The following SRL variants were observed in gnomAD, a reference collection of about 807,000 sequenced individuals.
The protein encoded by SRL is sarcalumenin.
SRL carries 23 observed loss-of-function variants against 39.5 expected under a neutral mutation model. That is an observed-to-expected ratio of 0.58 (90% CI 0.42 to 0.82). The LOEUF (loss-of-function observed/expected upper bound fraction) is 0.82, where lower values mean the gene tolerates loss of function less well. Among genes scored for constraint, SRL ranks in the 40% least tolerant of loss-of-function variants. SRL has a pLI of 0.00. For synonymous variants in SRL, 272 were observed against 237.4 expected (o/e 1.15, Z -1.34); for missense variants, 592 against 607.8 (o/e 0.97, Z 0.27).
chr16:4,216,670 C>A (rs1320989238), intron 1 of SRL, among the ~76,000 whole-genome samples: 1 of 152,206 alleles, frequency 6.6e-6, no homozygotes, highest in Admixed American at 6.5e-5. Context: ...CTCTATAGAG[C>A]ACTCAGTTTT....
chr16:4,200,412 G>A lies in SRL; in HGVS notation c.260-2497C>T, dbSNP rs552550638. Among the ~76,000 whole-genome samples, 404 of 152,314 alleles carry A rather than the reference G, an allele frequency of 2.7e-3. 3 individuals are homozygous for A. The highest frequency in any genetic ancestry group is 3.9e-3 in the Admixed American group (60 of 15,302). On this transcript the variant is annotated intron_variant, in intron 3 of 5. Transcript: ENST00000399609. ...TGTGGTTTCGGCTCCTCACAGCAGG[G>A]GGCACCGCTGGCCTATACAGGAGGT...
At chr16:4,224,912 G>T (rs1002179030) in intron 1 of SRL, among the ~76,000 whole-genome samples, 3 of 152,162 alleles carry the variant, frequency 2.0e-5, no homozygotes, top group African/African-American at 4.8e-5. Context: ...TCCCAGCCAT[G>T]GAAAGGGGTG....
chr16:4,218,616 C>T (rs910824873), intron 1 of SRL, among the ~76,000 whole-genome samples: 3 of 152,194 alleles, frequency 2.0e-5, no homozygotes, highest in Non-Finnish European at 4.4e-5. Context: ...CACACAGGCC[C>T]GCTGGACCAC....
chr16:4,210,736 G>A (rs1289264804), intron 1 of SRL, among the ~76,000 whole-genome samples: 3 of 152,074 alleles, frequency 2.0e-5, no homozygotes, highest in Non-Finnish European at 4.4e-5. Flanking sequence ...ACCCACCTCA[G>A]CCTCTCAAAG....
intron 3 of SRL, among the ~76,000 whole-genome samples, chr16:4,201,248 G>T (rs1469162696): frequency 6.6e-6 from 1 of 151,664 alleles, no homozygotes; most frequent in Non-Finnish European, 1.5e-5. Flanking sequence ...CGAGTAGCTG[G>T]GACCACAGGC....
At position 4,198,078 on chromosome 16, in the gene SRL, G is replaced by C. The variant is rs183377262; in HGVS notation, c.260-163C>G. Among the ~76,000 whole-genome samples, 345 of 152,314 alleles carry C rather than the reference G, an allele frequency of 2.3e-3. 2 individuals are homozygous for C. The highest frequency in any genetic ancestry group is 8.0e-3 in the African/African-American group (332 of 41,570). ...CAGTGGCGCTTCTCTTGCTACGTAA[G>C]TGTGATCACCCAGTAAAAAGACACA... is the stretch of plus-strand genomic sequence containing the variant. On this transcript the variant is annotated intron_variant, in intron 3 of 5. Coordinates refer to ENST00000399609, the MANE Select transcript of SRL (RefSeq NM_001098814.2).
At chr16:4,197,402 G>A (rs992467082) in intron 4 of SRL, among the ~76,000 whole-genome samples, 1 of 138,880 alleles carries the variant, frequency 7.2e-6, no homozygotes, top group Admixed American at 7.4e-5. Context: ...ACACGTGCAT[G>A]TGGCATAACT....
rs1396790042 is a variant in SRL, at chr16:4,192,959, G to C, written c.616C>G (p.Pro206Ala). 2 of 1,607,066 alleles carry C rather than the reference G, an allele frequency of 1.2e-6. No individual in the cohort carries two copies. Among genetic ancestry groups the C allele is most frequent in the Admixed American group, 3.3e-5 (2 of 59,922 alleles). The change falls in exon 6 of 6, where the codon CCC (proline) becomes GCC (alanine). Residue 206 changes from proline to alanine, a missense_variant. Coordinates refer to ENST00000399609, the MANE Select transcript of SRL (RefSeq NM_001098814.2). The surrounding 1 kb of genome is among the most constrained non-coding windows in gnomAD (Gnocchi z 4.0). Reference protein sequence around the residue: ...ENRKQQERGYPFNDVCQWFID... With the variant: ...ENRKQQERGYAFNDVCQWFID... Reference sequence around the variant, plus strand: ...AACCACTGGCACACGTCGTTGAAGGGGTAGCCTTTGGGAGACAGAAGTGAG... The same window carrying C: ...AACCACTGGCACACGTCGTTGAAGGCGTAGCCTTTGGGAGACAGAAGTGAG...
Position 4,203,192 on chromosome 16 carries a change from T to C in SRL, c.233A>G (p.Asn78Ser), listed in dbSNP as rs752261214. Residue 78 changes from asparagine to serine, a missense_variant, in exon 3 of 6, where the codon AAT becomes AGT. Transcript: ENST00000399609. Reference sequence around the variant, plus strand: ...TGTGATCTCATGCTGCCGGAGCTCATTGTACTTGTAGGACTGCTCCAGAGG... The same window carrying C: ...TGTGATCTCATGCTGCCGGAGCTCACTGTACTTGTAGGACTGCTCCAGAGG... ...IKPLEQSYKY[N>S]ELRQHEITDG... 4.8e-5 allele frequency: 78 copies of C among 1,614,026 alleles called. No homozygotes were observed. Among genetic ancestry groups the C allele is most frequent in the Non-Finnish European group, 6.4e-5 (75 of 1,179,994 alleles).
Position 4,192,763 on chromosome 16 carries a change from G to A in SRL, c.812C>T (p.Ala271Val). Residue 271 changes from alanine to valine, a missense_variant, in exon 6 of 6, where the codon GCC (alanine) becomes GTC (valine). By Grantham distance (64) the Ala-to-Val change is moderately conservative. Coordinates refer to ENST00000399609, the MANE Select transcript of SRL (RefSeq NM_001098814.2). This position sits in a 1 kb window ranked among gnomAD's most constrained non-coding sequence, Gnocchi z 4.0. ...GAGAGGGGCCAAGCTCCAGAAGAGG[G>A]CCCCGTAAACCCGCATGAGCATTTG... The part of the protein sequence containing the change: ...ATQMLMRVYG[A>V]LFWSLAPLIN... 2 of 1,614,164 alleles carry A rather than the reference G, an allele frequency of 1.2e-6. No individual in the cohort carries two copies. The highest frequency in any genetic ancestry group is 1.7e-6 in the Non-Finnish European group (2 of 1,180,052).
At chr16:4,240,813 C>T (rs1432111105) in intron 1 of SRL, among the ~76,000 whole-genome samples, 1 of 152,116 alleles carries the variant, frequency 6.6e-6, no homozygotes, top group Non-Finnish European at 1.5e-5. Flanking sequence ...TCCAATTACG[C>T]GGCTGTTTCC....
At chr16:4,227,943 C>T (rs1372427889) in intron 1 of SRL, among the ~76,000 whole-genome samples, 1 of 152,192 alleles carries the variant, frequency 6.6e-6, no homozygotes, top group Non-Finnish European at 1.5e-5. Context: ...GGAATGTGAA[C>T]CCAAAGGGCT....
intron 5 of SRL, 72 bp from the exon 6 acceptor site, chr16:4,193,036 T>A: frequency 7.5e-7 from 1 of 1,329,558 alleles, no homozygotes; most frequent in African/African-American, 1.5e-5. Flanking sequence ...CTTTCAGAAC[T>A]AAACCATTCT....
rs1352609509 is a variant in SRL at position 4,204,650 on chromosome 16, G to C, written c.62-16C>G. 2 of 1,611,266 alleles carry C rather than the reference G, an allele frequency of 1.2e-6. No homozygotes were observed. Among genetic ancestry groups the C allele is most frequent in the East Asian group, 2.2e-5 (1 of 44,874 alleles). Reference sequence around the variant, plus strand: ...TCCGTCTCTTCTGTGGAGAGAAGCAGACAGCCAAGTGAGAGCAAAGCTAAC... The same window carrying C: ...TCCGTCTCTTCTGTGGAGAGAAGCACACAGCCAAGTGAGAGCAAAGCTAAC... On this transcript the variant is annotated splice_polypyrimidine_tract_variant and intron_variant, in intron 1 of 5. Transcript: ENST00000399609.
In SRL at chr16:4,204,615, A is replaced by G; in HGVS notation, c.81T>C (p.Asn27=). Residue 27 remains asparagine (N), a synonymous_variant, in exon 2 of 6, where the codon AAT becomes AAC. Transcript: ENST00000399609. ...SGQAEETEDA[N]EEAPLRDRSH... is the part of the protein sequence containing the mutation. ...AGCGGTCCCTCAATGGGGCTTCTTCATTTGCATCCTCCGTCTCTTCTGTGG... is the reference window on the plus strand; with the variant it reads ...AGCGGTCCCTCAATGGGGCTTCTTCGTTTGCATCCTCCGTCTCTTCTGTGG... The G allele has an allele frequency of 1.9e-6, 3 of 1,613,954 alleles. No individual in the cohort carries two copies. Among genetic ancestry groups the G allele is most frequent in the East Asian group, 2.2e-5 (1 of 44,856 alleles).
chr16:4,207,192 A>G, intron 1 of SRL: 1 of 456,230 alleles, frequency 2.2e-6, no homozygotes, highest in South Asian at 1.5e-5. Context: ...TTCGGAGGGA[A>G]CTCCTCCTTC....
At chr16:4,212,443 T>G (rs1364044533) in intron 1 of SRL, among the ~76,000 whole-genome samples, 1 of 152,124 alleles carries the variant, frequency 6.6e-6, no homozygotes, top group Non-Finnish European at 1.5e-5. Flanking sequence ...GACATCTCAC[T>G]TCAATCCTGG....
chr16:4,209,732 A>G (rs966113505), intron 1 of SRL, among the ~76,000 whole-genome samples: 1 of 152,214 alleles, frequency 6.6e-6, no homozygotes, highest in African/African-American at 2.4e-5. Flanking sequence ...GTGGATTGAA[A>G]TATACAACTT....
intron 1 of SRL, 46 bp downstream of exon 1, chr16:4,241,961 G>A: frequency 1.2e-6 from 2 of 1,607,688 alleles, no homozygotes; most frequent in Non-Finnish European, 1.7e-6. Flanking sequence ...CTTGGAGGAA[G>A]CGTGGGGGAC....
Sources: gnomAD v4.1 joint callset for allele counts (sites outside exome capture counted in the v4.1 genomes callset) on GRCh38, gnomAD v4.1.1 for gene constraint, Gnocchi (gnomAD v3.1) non-coding constraint, MANE v1.5 for transcripts, NCBI Gene and HGNC (gene_info 2026-07-23, HGNC 2026-07-21) for gene names.